The following SYN3 variants were observed in gnomAD, a reference collection of about 807,000 sequenced individuals.
The protein encoded by SYN3 is synapsin-3.
A neutral mutation model predicts 65.8 loss-of-function variants in SYN3; 35 were observed. The observed-to-expected ratio is 0.53, with a 90% CI of 0.41 to 0.70. The LOEUF (loss-of-function observed/expected upper bound fraction) is 0.70. Among genes scored for constraint, SYN3 ranks in the 30% least tolerant of loss-of-function variants. The pLI is 0.00. For missense variants in SYN3, 680 were observed against 749.0 expected (o/e 0.91, Z 1.08); for synonymous variants, 270 against 292.9 (o/e 0.92, Z 0.80).
chr22:32,596,481 G>A (rs1243649891), intron 7 of SYN3, among the ~76,000 whole-genome samples, 193 bp downstream of exon 7: 1 of 152,212 alleles, frequency 6.6e-6, no homozygotes, highest in African/African-American at 2.4e-5. Flanking sequence ...CTGAACTGGA[G>A]AGATGTTCTG....
chr22:32,785,936 T>G (rs2046182047), intron 6 of SYN3, among the ~76,000 whole-genome samples: 1 of 152,034 alleles, frequency 6.6e-6, no homozygotes, highest in Non-Finnish European at 1.5e-5. Context: ...CTGTCTTGCT[T>G]TTGCCTATGA....
intron 6 of SYN3, among the ~76,000 whole-genome samples, chr22:32,718,174 A>C (rs2061064566): frequency 6.6e-6 from 1 of 152,126 alleles, no homozygotes; most frequent in African/African-American, 2.4e-5. Context: ...GCGAGTAGGC[A>C]GTTACTATGG....
intron 7 of SYN3, among the ~76,000 whole-genome samples, chr22:32,552,170 C>T (rs754302798): frequency 1.3e-5 from 2 of 152,108 alleles, no homozygotes; most frequent in East Asian, 1.9e-4. Flanking sequence ...CGCTTGAACC[C>T]GGGAGGCGGA....
At chr22:32,729,905 G>A (rs1602003260) in intron 6 of SYN3, among the ~76,000 whole-genome samples, 1 of 152,134 alleles carries the variant, frequency 6.6e-6, no homozygotes, top group African/African-American at 2.4e-5. Flanking sequence ...CTACCCTATA[G>A]GGGCTGTAGT....
At chr22:32,590,992 C>T (rs955294116) in intron 7 of SYN3, among the ~76,000 whole-genome samples, 2 of 152,172 alleles carry the variant, frequency 1.3e-5, no homozygotes, top group Non-Finnish European at 2.9e-5. Flanking sequence ...TTCTGGTGTG[C>T]CCACTTGTTT....
chr22:32,594,237 C>T (rs78980195), intron 7 of SYN3, among the ~76,000 whole-genome samples: 7,028 of 152,156 alleles, frequency 0.046, 232 homozygotes, highest in Middle Eastern at 0.092. Context: ...TCCTGTGTAC[C>T]GGGTGCCACT....
chr22:32,709,048 C>A (rs2060919758), intron 6 of SYN3, among the ~76,000 whole-genome samples: 1 of 152,184 alleles, frequency 6.6e-6, no homozygotes. Flanking sequence ...AGGCTAAGAG[C>A]ACAGAGGAGC....
In SYN3 at chr22:32,513,401, A is replaced by T; in HGVS notation, c.*291T>A. 1 of 295,634 alleles carries T rather than the reference A, an allele frequency of 3.4e-6. No homozygotes were observed. The highest frequency in any genetic ancestry group is 6.3e-6 in the Non-Finnish European group (1 of 158,342). 18.3% of individuals were successfully genotyped at this position (295,634 alleles called of 1,614,324 possible). A position where few individuals can be genotyped will look rare whatever the true frequency, so the allele number is the denominator to read the frequency against. On this transcript the variant is annotated 3_prime_UTR_variant, in exon 14 of 14. Coordinates refer to ENST00000358763, the MANE Select transcript of SYN3 (RefSeq NM_003490.4). ...CAGACATCTCACTTGGTTATCTGGC[A>T]GGTAAGCAGGCACGTGGGTAGGCAG...
intron 6 of SYN3, among the ~76,000 whole-genome samples, chr22:32,739,178 G>A (rs574934337): frequency 6.6e-6 from 1 of 150,740 alleles, no homozygotes. Flanking sequence ...AATCACAGGG[G>A]GGGGGCGGTT....
At chr22:32,920,379 G>A (rs908259740) in intron 4 of SYN3, among the ~76,000 whole-genome samples, 3 of 152,152 alleles carry the variant, frequency 2.0e-5, no homozygotes, top group African/African-American at 4.8e-5. Context: ...CCAGAACAGC[G>A]AAGGCACTCA....
chr22:32,653,630 CAG>C (rs200198408), intron 6 of SYN3, among the ~76,000 whole-genome samples: 2,152 of 152,126 alleles, frequency 0.014, 53 homozygotes, highest in African/African-American at 0.049. Context: ...AGCTTCCAGT[CAG>C]AAGATGCAGG....
At chr22:32,987,920 TGA>T (rs780793873) in intron 2 of SYN3, among the ~76,000 whole-genome samples, 5 of 152,082 alleles carry the variant, frequency 3.3e-5, no homozygotes, top group African/African-American at 7.2e-5. Flanking sequence ...ATAAAAAGAA[TGA>T]GTACTACGAA....
At chr22:32,695,699 A>G (rs748427613) in intron 6 of SYN3, among the ~76,000 whole-genome samples, 8 of 152,154 alleles carry the variant, frequency 5.3e-5, no homozygotes, top group Non-Finnish European at 8.8e-5. Flanking sequence ...CATTTAAGCA[A>G]TGGAGGTCAG....
intron 6 of SYN3, among the ~76,000 whole-genome samples, chr22:32,598,285 C>T (rs1289215608): frequency 6.6e-6 from 1 of 152,200 alleles, no homozygotes; most frequent in East Asian, 1.9e-4. Flanking sequence ...CTGTGGCCCT[C>T]ATCTCATTTT....
chr22:32,619,385 C>G (rs2059564624), intron 6 of SYN3, among the ~76,000 whole-genome samples: 1 of 152,146 alleles, frequency 6.6e-6, no homozygotes, highest in African/African-American at 2.4e-5. Context: ...ATAGGAGTTC[C>G]ACCCCTGTTC....
At chr22:32,557,781 G>A (rs2058524905) in intron 7 of SYN3, among the ~76,000 whole-genome samples, 2 of 152,190 alleles carry the variant, frequency 1.3e-5, no homozygotes, top group Non-Finnish European at 2.9e-5. Context: ...CCAACTTACT[G>A]GTCTGGCACT....
At chr22:32,672,706 C>T (rs1412778491) in intron 6 of SYN3, among the ~76,000 whole-genome samples, 1 of 152,230 alleles carries the variant, frequency 6.6e-6, no homozygotes, top group Non-Finnish European at 1.5e-5. Flanking sequence ...TCTCAACAGC[C>T]CTTTCTTTCT....
chr22:32,583,380 C>T (rs191804816), intron 7 of SYN3: 1 of 152,318 alleles, frequency 6.6e-6, no homozygotes, highest in Admixed American at 6.5e-5. Flanking sequence ...CTCAGTAGGG[C>T]AGGGGGCCTC....
chr22:32,783,235 C>T (rs1195952626), intron 6 of SYN3: 1 of 152,174 alleles, frequency 6.6e-6, no homozygotes, highest in Non-Finnish European at 1.5e-5. Context: ...GGCCTTGAAA[C>T]AGGTGAGTAT....
Sources: allele counts gnomAD v4.1 joint callset (sites outside exome capture counted in the v4.1 genomes callset), GRCh38; gene constraint gnomAD v4.1.1; transcripts MANE v1.5; gene names NCBI Gene and HGNC (gene_info 2026-07-23, HGNC 2026-07-21).